The following BCAR3 variants were observed in gnomAD, a reference collection of about 807,000 sequenced individuals.
BCAR3 encodes BCAR3 adaptor protein, NSP family member, also known as breast cancer anti-estrogen resistance protein 3.
A neutral mutation model predicts 80.1 loss-of-function variants in BCAR3; 37 were observed. That is an observed-to-expected ratio of 0.46 (90% CI 0.36 to 0.61). The LOEUF (loss-of-function observed/expected upper bound fraction) is 0.61. BCAR3 is among the 20% of genes least tolerant of loss of function. The probability of loss-of-function intolerance (pLI) is 0.00; values close to 1 mark genes in which losing one functional copy is unlikely to be tolerated. For synonymous variants in BCAR3, 389 were observed against 418.9 expected (o/e 0.93, Z 0.87); for missense variants, 978 against 1,068.2 (o/e 0.92, Z 1.18).
rs761451887 is a variant in BCAR3 at position 93,582,654 on chromosome 1, T to C, written c.1333A>G (p.Lys445Glu). 1.2e-6 allele frequency: 2 copies of C among 1,613,844 alleles called. No homozygotes were observed. Among genetic ancestry groups the C allele is most frequent in the African/African-American group, 2.7e-5 (2 of 74,844 alleles). The change falls in exon 7 of 12, where the codon AAG (lysine) becomes GAG (glutamate). Residue 445 changes from lysine to glutamate, a missense_variant. Coordinates refer to ENST00000260502, the MANE Select transcript of BCAR3 (RefSeq NM_003567.4). ...AFATGCGRGA[K>E]LPSCAQGSHT... is the part of the protein sequence containing the mutation. ...CTTCCCTGGGCACATGAGGGTAGCTTTGCTCCCCTGCCGCAGCCTGTGGCA... is the reference window on the plus strand; with the variant it reads ...CTTCCCTGGGCACATGAGGGTAGCTCTGCTCCCCTGCCGCAGCCTGTGGCA...
At chr1:93,717,491 G>A (rs1465353925) in intron 2 of BCAR3, among the ~76,000 whole-genome samples, 1 of 152,120 alleles carries the variant, frequency 6.6e-6, no homozygotes. Context: ...TTGGGAGGTC[G>A]AGGTAGGCGG....
intron 9 of BCAR3, 102 bp from the exon 10 acceptor site, chr1:93,567,953 G>A: frequency 1.2e-6 from 1 of 858,688 alleles, no homozygotes; most frequent in Non-Finnish European, 1.9e-6. Flanking sequence ...TTGGGAGGCT[G>A]AGGCGGGTGG....
chr1:93,820,560 T>A (rs555277627), intron 2 of BCAR3, among the ~76,000 whole-genome samples: 42 of 152,326 alleles, frequency 2.8e-4, no homozygotes, highest in Admixed American at 5.9e-4. Flanking sequence ...GAGCAGCCAA[T>A]GAAAGAGATG....
intron 2 of BCAR3, among the ~76,000 whole-genome samples, chr1:93,819,735 AT>A (rs1404221609): frequency 6.6e-6 from 1 of 152,106 alleles, no homozygotes; most frequent in African/African-American, 2.4e-5. Context: ...ATTTATTTAT[AT>A]ATTTCCAGTT....
At chr1:93,688,272 A>G (rs144385718) in intron 3 of BCAR3, among the ~76,000 whole-genome samples, 1 of 152,316 alleles carries the variant, frequency 6.6e-6, no homozygotes, top group African/African-American at 2.4e-5. Context: ...GAAAAGATGA[A>G]CTTCTTGACA....
rs1040594359 is a variant in BCAR3, at chr1:93,566,885, G to A, written c.2299+394C>T. ...TGGGATCACAGGCACACACCATCAC[G>A]CCCAGCTAATTTTTGTATTTCTATT... is the stretch of plus-strand genomic sequence containing the variant. On this transcript the variant is annotated intron_variant, in intron 11 of 11. Transcript: ENST00000260502. Among the ~76,000 whole-genome samples the A allele has an allele frequency of 8.6e-5, 13 of 152,014 alleles. No homozygotes were observed. The East Asian group carries it at 2.3e-3, about 27-fold the overall frequency.
chr1:93,694,194 C>A (rs1206738757), intron 3 of BCAR3, among the ~76,000 whole-genome samples: 1 of 152,228 alleles, frequency 6.6e-6, no homozygotes, highest in Non-Finnish European at 1.5e-5. Context: ...GCTCACAGAG[C>A]ACAGGGTGGG....
At chr1:93,632,264 G>C (rs1212758096) in intron 3 of BCAR3, among the ~76,000 whole-genome samples, 2 of 152,216 alleles carry the variant, frequency 1.3e-5, no homozygotes, top group Non-Finnish European at 2.9e-5. Flanking sequence ...AAACAGCCTA[G>C]AGCAAGGGTC....
Position 93,564,837 on chromosome 1 carries a change from T to G in BCAR3, c.2300-2418A>C, listed in dbSNP as rs150931408. On this transcript the variant is annotated intron_variant, in intron 11 of 11. Coordinates refer to ENST00000260502, the MANE Select transcript of BCAR3 (RefSeq NM_003567.4). ...TCAGCCATATGTGTGGGCCTATTTC[T>G]TAACTCTATTCCATCTAAGAGAGGA... Among the ~76,000 whole-genome samples, 1,359 of 152,364 alleles carry G rather than the reference T, an allele frequency of 8.9e-3. 21 individuals carry two copies. Among genetic ancestry groups the G allele is most frequent in the African/African-American group, 0.031 (1,284 of 41,594 alleles).
chr1:93,721,335 G>A (rs1475461919), intron 2 of BCAR3, among the ~76,000 whole-genome samples: 1 of 152,096 alleles, frequency 6.6e-6, no homozygotes, highest in Non-Finnish European at 1.5e-5. Context: ...GGTTTGCCCA[G>A]GTTGTCCCCT....
Position 93,621,482 on chromosome 1 carries a change from G to A in BCAR3, c.357+20822C>T, listed in dbSNP as rs1049519284. On this transcript the variant is annotated intron_variant, in intron 3 of 11. Coordinates refer to ENST00000260502, the MANE Select transcript of BCAR3 (RefSeq NM_003567.4). ...AGACTTTCAGTGGCATGTAGGAAGG[G>A]AGGTGAGAATACCTTGGTGGTCACA... Among the ~76,000 whole-genome samples, 6 of 152,218 alleles carry A rather than the reference G, an allele frequency of 3.9e-5. No homozygotes were observed. The South Asian group carries it at 1.0e-3, about 26-fold the overall frequency.
chr1:93,806,303 A>G (rs1430441756), intron 2 of BCAR3, among the ~76,000 whole-genome samples: 7 of 152,218 alleles, frequency 4.6e-5, no homozygotes, highest in Non-Finnish European at 8.8e-5. Context: ...CAGATGGTTG[A>G]GGCTTAAATA....
chr1:93,704,017 T>C (rs1462440257), intron 3 of BCAR3, among the ~76,000 whole-genome samples: 3 of 152,210 alleles, frequency 2.0e-5, no homozygotes, highest in African/African-American at 7.2e-5. Context: ...ACATTTCAGG[T>C]GCTGAATAGC....
chr1:93,727,963 G>A (rs1650650643), intron 2 of BCAR3, among the ~76,000 whole-genome samples: 1 of 152,178 alleles, frequency 6.6e-6, no homozygotes, highest in South Asian at 2.1e-4. Flanking sequence ...AGACACAGGG[G>A]AGAAAGCCAT....
intron 2 of BCAR3, chr1:93,845,502 A>ATATCATGTTGTC: frequency 8.8e-6 from 1 of 113,820 alleles, no homozygotes. Flanking sequence ...ATATATATAT[A>ATATCATGTTGTC]AAACTTTGTT....
At chr1:93,819,603 T>C (rs1654143606) in intron 2 of BCAR3, among the ~76,000 whole-genome samples, 1 of 152,246 alleles carries the variant, frequency 6.6e-6, no homozygotes, top group Non-Finnish European at 1.5e-5. Context: ...GGATTAAAAT[T>C]CTAATCCTAA....
At chr1:93,677,992 C>T (rs1211448292) in intron 1 of BCAR3, among the ~76,000 whole-genome samples, 1 of 152,206 alleles carries the variant, frequency 6.6e-6, no homozygotes, top group Non-Finnish European at 1.5e-5. Context: ...CCTGCTCTCT[C>T]TTACCATGGC....
intron 5 of BCAR3, chr1:93,585,227 C>T (rs535561201): frequency 4.5e-5 from 44 of 985,380 alleles, no homozygotes; most frequent in African/African-American, 3.8e-4. Flanking sequence ...CTAGCAGGCC[C>T]GACGTCAGGG....
intron 2 of BCAR3, among the ~76,000 whole-genome samples, chr1:93,713,715 A>AT (rs11431435): frequency 0.047 from 7,138 of 151,612 alleles, 552 homozygotes; most frequent in African/African-American, 0.16. Flanking sequence ...CTGAAATGCC[A>AT]TTTTTTTTTC....
Sources: gnomAD v4.1 joint callset for allele counts (sites outside exome capture counted in the v4.1 genomes callset) on GRCh38, gnomAD v4.1.1 for gene constraint, MANE v1.5 for transcripts, NCBI Gene and HGNC (gene_info 2026-07-23, HGNC 2026-07-21) for gene names.